CATSPERE: variants seen among roughly 807,000 people sequenced by gnomAD.
CATSPERE encodes catsper channel auxiliary subunit epsilon.
A neutral mutation model predicts 114.1 loss-of-function variants in CATSPERE; 93 were observed. That is an observed-to-expected ratio of 0.81 (90% CI 0.69 to 0.97). The LOEUF (loss-of-function observed/expected upper bound fraction) is 0.97, where lower values mean the gene tolerates loss of function less well. Among genes scored for constraint, CATSPERE ranks in the 50% least tolerant of loss-of-function variants. The pLI is 0.00. For synonymous variants in CATSPERE, 341 were observed against 384.1 expected, an observed-to-expected ratio of 0.89 and a Z score of 1.31; for missense variants, 1,058 against 1,131.6, an observed-to-expected ratio of 0.93 and a Z score of 0.93.
intron 1 of CATSPERE, among the ~76,000 whole-genome samples, chr1:244,463,343 C>T (rs893269893): frequency 5.3e-5 from 8 of 152,014 alleles, no homozygotes; most frequent in African/African-American, 1.7e-4. Flanking sequence ...AAGAACCCTC[C>T]ATCGCAGCAA....
intron 3 of CATSPERE, 112 bp downstream of exon 3, chr1:244,477,726 T>A: frequency 1.0e-6 from 1 of 983,426 alleles, no homozygotes; most frequent in African/African-American, 1.6e-5. Context: ...TTTCATTAAG[T>A]AGATGTGAAA....
In CATSPERE at chr1:244,593,321, C is replaced by T. The variant is rs906507997; in HGVS notation, c.2190-74C>T. The T allele has an allele frequency of 4.0e-6, 6 of 1,501,362 alleles. No homozygotes were observed. The African/African-American group carries it at 7.0e-5, about 17-fold the overall frequency. 93.0% of individuals were successfully genotyped at this position (1,501,362 alleles called of 1,614,324 possible). A position where few individuals can be genotyped will look rare whatever the true frequency, so the allele number is the denominator to read the frequency against. On this transcript the variant is annotated intron_variant, in intron 15 of 21. Coordinates refer to ENST00000366534, the MANE Select transcript of CATSPERE (RefSeq NM_001130957.2). Reference sequence around the variant, plus strand: ...TTTGACCTTTGTGATACCTCCTTACCTAAACAAAGTCATGGGTTTAGTTTT... The same window carrying T: ...TTTGACCTTTGTGATACCTCCTTACTTAAACAAAGTCATGGGTTTAGTTTT...
intron 13 of CATSPERE, among the ~76,000 whole-genome samples, chr1:244,585,082 TC>T (rs11341759): frequency 0.19 from 28,121 of 151,936 alleles, 3,778 homozygotes; most frequent in East Asian, 0.4. Context: ...TTTTTAGGGA[TC>T]CCTATTCATT....
At chr1:244,612,409 A>C (rs1386192450) in intron 19 of CATSPERE, among the ~76,000 whole-genome samples, 1 of 93,152 alleles carries the variant, frequency 1.1e-5, no homozygotes, top group Non-Finnish European at 2.3e-5. Flanking sequence ...ATTTTAAAAA[A>C]ATCAGGGAAG....
At position 244,607,290 on chromosome 1, in the gene CATSPERE, G is replaced by A. The variant is rs960789300; in HGVS notation, c.2403+1496G>A. 6.6e-6 allele frequency among the ~76,000 whole-genome samples: 1 copy of A among 152,192 alleles called. No individual in the cohort carries two copies. Among genetic ancestry groups the A allele is most frequent in the Non-Finnish European group, 1.5e-5 (1 of 68,036 alleles). ...AGCCAAAAGGCCACTAAGAGATACA[G>A]TATCATTTCCAGGTCATTCTCTCTT... On this transcript the variant is annotated intron_variant, in intron 18 of 21. Coordinates refer to ENST00000366534, the MANE Select transcript of CATSPERE (RefSeq NM_001130957.2). This position sits in a 1 kb window ranked among gnomAD's most constrained non-coding sequence, Gnocchi z 4.4.
At chr1:244,615,949 C>CA (rs1243323398) in intron 19 of CATSPERE, among the ~76,000 whole-genome samples, 23 of 49,928 alleles carry the variant, frequency 4.6e-4, no homozygotes, top group Middle Eastern at 0.012. Context: ...CCCCCATCTC[C>CA]TAAAAAAAAA....
At chr1:244,581,420 G>A (rs6678674) in intron 11 of CATSPERE, among the ~76,000 whole-genome samples, 28,233 of 152,004 alleles carry the variant, frequency 0.19, 3,813 homozygotes, top group East Asian at 0.41. Flanking sequence ...AAACATTTCT[G>A]TCAGGTAGAA....
chr1:244,582,957 AT>A (rs1666444382), intron 12 of CATSPERE, among the ~76,000 whole-genome samples: 29 of 2,186 alleles, frequency 0.013, no homozygotes, highest in African/African-American at 0.027. Context: ...ATATATATAT[AT>A]ATATATATAT....
At chr1:244,507,486 T>C (rs1191721770) in intron 7 of CATSPERE, among the ~76,000 whole-genome samples, 1 of 152,084 alleles carries the variant, frequency 6.6e-6, no homozygotes, top group Non-Finnish European at 1.5e-5. Context: ...GCTTTTTAAT[T>C]TAATAAAGTC....
intron 7 of CATSPERE, among the ~76,000 whole-genome samples, chr1:244,509,857 T>G (rs1675417646): frequency 6.6e-6 from 1 of 152,208 alleles, no homozygotes; most frequent in Non-Finnish European, 1.5e-5. Context: ...TCACAATTTG[T>G]TAGCATATAG....
In CATSPERE at chr1:244,635,533, T is replaced by G. The variant is rs1255265273; in HGVS notation, c.2693T>G (p.Leu898Arg). Reference protein sequence around the residue: ...TAMFAIETFGLIPSPSVYLVA... With the variant: ...TAMFAIETFGRIPSPSVYLVA... ...ATGTTTGCAATAGAGACATTTGGAC[T>G]GATTCCCAGGTAAGGAGCAGGGCCT... is the stretch of plus-strand genomic sequence containing the variant. Residue 898 changes from leucine (L) to arginine (R), a missense_variant, in exon 21 of 22, where the codon CTG becomes CGG. Around this residue, in one of 2 missense-constraint regions of CATSPERE, gnomAD observed 787 missense variants for 905.6 expected, o/e 0.87. Coordinates refer to ENST00000366534, the MANE Select transcript of CATSPERE (RefSeq NM_001130957.2). The G allele has an allele frequency of 6.2e-7, 1 of 1,612,376 alleles. No homozygotes were observed. The highest frequency in any genetic ancestry group is 8.5e-7 in the Non-Finnish European group (1 of 1,178,744).
chr1:244,515,960 G>A (rs1676540711), intron 7 of CATSPERE, among the ~76,000 whole-genome samples: 1 of 151,602 alleles, frequency 6.6e-6, no homozygotes, highest in African/African-American at 2.4e-5. Context: ...TTGGAAGGCT[G>A]AGGCAGGAGG....
At chr1:244,521,145 G>C (rs950634722) in intron 8 of CATSPERE, among the ~76,000 whole-genome samples, 2 of 152,150 alleles carry the variant, frequency 1.3e-5, no homozygotes, top group African/African-American at 2.4e-5. Flanking sequence ...CTTGAGGCCA[G>C]GAGTTTCAGA....
chr1:244,506,840 A>G (rs1321596234), intron 7 of CATSPERE, among the ~76,000 whole-genome samples: 3 of 152,152 alleles, frequency 2.0e-5, no homozygotes, highest in Non-Finnish European at 4.4e-5. Flanking sequence ...CTACTATGCT[A>G]TCAAACACTA....
intron 7 of CATSPERE, among the ~76,000 whole-genome samples, chr1:244,505,838 C>T (rs1200272318): frequency 1.3e-5 from 2 of 151,990 alleles, no homozygotes; most frequent in African/African-American, 4.8e-5. Flanking sequence ...AAGCCCATCT[C>T]TACTAAAAAT....
At chr1:244,595,229 A>G (rs1297066833) in intron 17 of CATSPERE, among the ~76,000 whole-genome samples, 1 of 152,226 alleles carries the variant, frequency 6.6e-6, no homozygotes, top group Non-Finnish European at 1.5e-5. Flanking sequence ...TAGAGCAGAT[A>G]AACATATGCG....
At chr1:244,563,728 G>C (rs985862798) in intron 10 of CATSPERE, among the ~76,000 whole-genome samples, 7 of 152,192 alleles carry the variant, frequency 4.6e-5, no homozygotes, top group Non-Finnish European at 1.0e-4. Flanking sequence ...TCTGATGATA[G>C]TTTCTTTTGC....
At chr1:244,514,734 C>G (rs990248206) in intron 7 of CATSPERE, among the ~76,000 whole-genome samples, 1 of 148,166 alleles carries the variant, frequency 6.7e-6, no homozygotes, top group Non-Finnish European at 1.5e-5. Context: ...GGGGCTGAGG[C>G]AGGAGAATGG....
chr1:244,605,026 A>T (rs1196189279), intron 17 of CATSPERE, among the ~76,000 whole-genome samples: 1 of 152,022 alleles, frequency 6.6e-6, no homozygotes, highest in Non-Finnish European at 1.5e-5. Context: ...GTGACTATAG[A>T]TCCAGGGAGC....
Sources: gnomAD v4.1 joint callset for allele counts (sites outside exome capture counted in the v4.1 genomes callset) on GRCh38, gnomAD v4.1.1 for gene constraint, gnomAD v4.1.1 regional missense constraint, Gnocchi (gnomAD v3.1) non-coding constraint, MANE v1.5 for transcripts, NCBI Gene and HGNC (gene_info 2026-07-23, HGNC 2026-07-21) for gene names.